The following CRAMP1 variants were observed in gnomAD, a reference collection of about 807,000 sequenced individuals.
CRAMP1 encodes protein cramped-like.
A neutral mutation model predicts 115.4 loss-of-function variants in CRAMP1; 50 were observed. The observed-to-expected ratio is 0.43, with a 90% CI of 0.35 to 0.55. CRAMP1 has a LOEUF of 0.55. Among genes scored for constraint, CRAMP1 ranks in the 20% least tolerant of loss-of-function variants. The pLI is 0.01. For synonymous variants in CRAMP1, 866 were observed against 745.4 expected (o/e 1.16, Z -2.64); for missense variants, 1,679 against 1,721.7 (o/e 0.98, Z 0.44).
At chr16:1,646,374 T>C (rs902563935) in intron 6 of CRAMP1, among the ~76,000 whole-genome samples, 5 of 152,220 alleles carry the variant, frequency 3.3e-5, no homozygotes, top group African/African-American at 1.2e-4. Flanking sequence ...ACTCAGCGTG[T>C]TCGGGGTGTT....
rs765590076 is a variant in CRAMP1 at position 1,668,162 on chromosome 16, C to T, written c.3303C>T (p.Ile1101=). The change falls in exon 18 of 21, where the codon ATC becomes ATT. Residue 1101 remains isoleucine, a synonymous_variant. Transcript: ENST00000397412. ...GEPATHISDS[I]IEIAISSGQY... ...CTGCCACACACATTAGCGACTCCATCATTGAGATCGCCATCAGCTCCGGTC... is the reference window on the plus strand; with the variant it reads ...CTGCCACACACATTAGCGACTCCATTATTGAGATCGCCATCAGCTCCGGTC... 2 of 1,613,510 alleles carry T rather than the reference C, an allele frequency of 1.2e-6. No individual in the cohort carries two copies. The highest frequency in any genetic ancestry group is 3.3e-5 in the Admixed American group (2 of 60,010).
chr16:1,674,121 G>A lies in CRAMP1; in HGVS notation c.*76G>A, dbSNP rs965095609. On this transcript the variant is annotated 3_prime_UTR_variant, in exon 21 of 21. Transcript: ENST00000397412. ...ATAAGCCCAGCAGCCCCAGAAGATG[G>A]TCTGAACAGAGGCATCTCCGCACCC... 6.9e-7 allele frequency: 1 copy of A among 1,447,504 alleles called. No individual in the cohort carries two copies. The highest frequency in any genetic ancestry group is 9.4e-7 in the Non-Finnish European group (1 of 1,064,144). 89.7% of individuals were successfully genotyped at this position (1,447,504 alleles called of 1,614,324 possible). A position where few individuals can be genotyped will look rare whatever the true frequency, so the allele number is the denominator to read the frequency against.
At position 1,626,243 on chromosome 16, in the gene CRAMP1, C is replaced by T. The variant is rs1357439635; in HGVS notation, c.540+77C>T. On this transcript the variant is annotated intron_variant, in intron 3 of 20. Transcript: ENST00000397412. ...CCCTGCCCTCCGTTCCCCGTGCTTC[C>T]TCTTTGCTGTTAGATTCTAGAACGC... 8 of 1,324,052 alleles carry T rather than the reference C, an allele frequency of 6.0e-6. No individual in the cohort carries two copies. In the East Asian group the frequency reaches 1.6e-4, roughly 26 times the overall value. The allele number at this position is 1,324,052 out of a possible 1,614,324, so 82.0% of individuals were successfully genotyped here. A position where few individuals can be genotyped will look rare whatever the true frequency, so the allele number is the denominator to read the frequency against.
At chr16:1,637,176 C>G (rs945603600) in intron 4 of CRAMP1, among the ~76,000 whole-genome samples, 11 of 152,166 alleles carry the variant, frequency 7.2e-5, no homozygotes, top group Non-Finnish European at 5.9e-5. Flanking sequence ...CACCTGTAAT[C>G]TCAGCTACTT....
intron 6 of CRAMP1, among the ~76,000 whole-genome samples, chr16:1,643,073 C>A (rs1355541673): frequency 3.9e-5 from 6 of 152,094 alleles, no homozygotes; most frequent in East Asian, 3.9e-4. Context: ...TTAAAAAAAA[C>A]CAAGGAAGGA....
intron 8 of CRAMP1, among the ~76,000 whole-genome samples, chr16:1,654,610 G>A (rs989485854): frequency 2.0e-5 from 3 of 152,096 alleles, no homozygotes; most frequent in African/African-American, 7.2e-5. Flanking sequence ...TTTTCATGAC[G>A]CTAGAAGAGG....
At chr16:1,657,381 C>T (rs1040424888) in intron 10 of CRAMP1, among the ~76,000 whole-genome samples, 2 of 152,212 alleles carry the variant, frequency 1.3e-5, no homozygotes, top group Non-Finnish European at 2.9e-5. Flanking sequence ...TCCTGGGAGT[C>T]TGCCAAGCCC....
At position 1,656,044 on chromosome 16, in the gene CRAMP1, C is replaced by T. The variant is rs373640460; in HGVS notation, c.1287C>T (p.Gly429=). The change falls in exon 10 of 21, where the codon GGC becomes GGT. Residue 429 remains glycine, a synonymous_variant. Transcript: ENST00000397412. The surrounding 1 kb of genome is among the most constrained non-coding windows in gnomAD (Gnocchi z 5.6). ...KAFCTVHWQE[G]GRCKQSAKDA... ...TCTGCACAGTGCACTGGCAGGAGGGCGGCCGGTGCAAGCAGAGTGCCAAGG... is the reference window on the plus strand; with the variant it reads ...TCTGCACAGTGCACTGGCAGGAGGGTGGCCGGTGCAAGCAGAGTGCCAAGG... 2.3e-4 allele frequency: 376 copies of T among 1,611,538 alleles called. No individual in the cohort carries two copies. Among genetic ancestry groups the T allele is most frequent in the Non-Finnish European group, 2.9e-4 (346 of 1,179,490 alleles).
At chr16:1,622,415 G>C (rs908581618) in intron 2 of CRAMP1, among the ~76,000 whole-genome samples, 2 of 152,130 alleles carry the variant, frequency 1.3e-5, no homozygotes, top group African/African-American at 4.8e-5. Context: ...CGAGAGGCTG[G>C]GTGCCGGAAT....
At chr16:1,633,465 G>A (rs934294000) in intron 4 of CRAMP1, among the ~76,000 whole-genome samples, 2 of 152,254 alleles carry the variant, frequency 1.3e-5, no homozygotes, top group African/African-American at 4.8e-5. Context: ...TGCCGCCGAT[G>A]CGGTTTTGTT....
intron 10 of CRAMP1, among the ~76,000 whole-genome samples, chr16:1,657,901 G>C (rs1020845641): frequency 7.2e-5 from 11 of 152,208 alleles, no homozygotes; most frequent in African/African-American, 2.7e-4. Context: ...AGGAGCTGCA[G>C]GTCACTGTGG....
chr16:1,644,869 C>G (rs1350141410), intron 6 of CRAMP1, among the ~76,000 whole-genome samples: 1 of 151,998 alleles, frequency 6.6e-6, no homozygotes, highest in Non-Finnish European at 1.5e-5. Flanking sequence ...CTTTTTCTTT[C>G]TTTCCTTTTT....
intron 3 of CRAMP1, among the ~76,000 whole-genome samples, chr16:1,631,063 C>T (rs951785204): frequency 2.0e-5 from 3 of 152,220 alleles, no homozygotes; most frequent in Non-Finnish European, 4.4e-5. Context: ...CCACTGATTT[C>T]AGCAGCCATC....
intron 5 of CRAMP1, among the ~76,000 whole-genome samples, chr16:1,639,073 G>A (rs1377131285): frequency 3.9e-5 from 6 of 151,964 alleles, no homozygotes; most frequent in African/African-American, 1.5e-4. Context: ...GCCCCAAGGA[G>A]TTTACGCCAC....
In CRAMP1 at chr16:1,677,395, A is replaced by G. The variant is rs2036979242; in HGVS notation, c.*3350A>G. 2 of 152,254 alleles carry G rather than the reference A, an allele frequency of 1.3e-5. No homozygotes were observed. The highest frequency in any genetic ancestry group is 2.9e-5 in the Non-Finnish European group (2 of 68,070). The allele number at this position is 152,254 out of a possible 1,614,324, so 9.4% of individuals were successfully genotyped here. ...GCGGCGGAGGTTGCAGTGAGTCGAG[A>G]TCGCGCCAGTGCACTCCAGCCTGGG... On this transcript the variant is annotated 3_prime_UTR_variant, in exon 21 of 21. Coordinates refer to ENST00000397412, the MANE Select transcript of CRAMP1 (RefSeq NM_020825.4).
In CRAMP1 at chr16:1,626,045, G is replaced by GCTC; in HGVS notation, c.427_429dup (p.Ser143dup). ...CCTGCTGCCCCTGCAGGGGGCTCGC[G>GCTC]CTCCTCCTCCCGGAACTTAGGGTCT... On this transcript the variant is annotated inframe_insertion, in exon 3 of 21. Coordinates refer to ENST00000397412, the MANE Select transcript of CRAMP1 (RefSeq NM_020825.4). The GCTC allele has an allele frequency of 6.4e-7, 1 of 1,551,610 alleles. No individual in the cohort carries two copies. The highest frequency in any genetic ancestry group is 2.4e-5 in the East Asian group (1 of 40,898).
At chr16:1,654,655 C>T (rs926009793) in intron 8 of CRAMP1, among the ~76,000 whole-genome samples, 1 of 152,172 alleles carries the variant, frequency 6.6e-6, no homozygotes, top group Non-Finnish European at 1.5e-5. Flanking sequence ...CTCTATTCTC[C>T]ATTCTCACCC....
intron 3 of CRAMP1, among the ~76,000 whole-genome samples, 168 bp downstream of exon 3, chr16:1,626,334 G>C (rs1192448195): frequency 1.3e-5 from 2 of 152,170 alleles, no homozygotes; most frequent in African/African-American, 4.8e-5. Flanking sequence ...CACTGACCTT[G>C]GCTGTTTTAT....
In CRAMP1 at chr16:1,668,200, G is replaced by A. The variant is rs1410749923; in HGVS notation, c.3334+7G>A. The A allele has an allele frequency of 6.2e-7, 1 of 1,604,254 alleles. No homozygotes were observed. The highest frequency in any genetic ancestry group is 1.3e-5 in the African/African-American group (1 of 74,872). On this transcript the variant is annotated splice_region_variant and intron_variant, in intron 18 of 20. Transcript: ENST00000397412. The stretch of plus-strand genomic sequence containing the variant: ...ATCAGCTCCGGTCAGTACGGTAAGG[G>A]CAGGGCGGCCTCACAGCCCTTCCTG...
Sources: allele counts gnomAD v4.1 joint callset (sites outside exome capture counted in the v4.1 genomes callset), GRCh38; gene constraint gnomAD v4.1.1; non-coding constraint Gnocchi (gnomAD v3.1); transcripts MANE v1.5; gene names NCBI Gene and HGNC (gene_info 2026-07-23, HGNC 2026-07-21).